Variants in KDM7A observed in about 807,000 individuals in gnomAD.
The protein encoded by KDM7A is lysine-specific demethylase 7A.
A neutral mutation model predicts 114.8 loss-of-function variants in KDM7A; 28 were observed. That is an observed-to-expected ratio of 0.24 (90% CI 0.18 to 0.33). The LOEUF (loss-of-function observed/expected upper bound fraction) is 0.33. KDM7A is among the 10% of genes least tolerant of loss of function. The pLI, the probability that KDM7A is intolerant of heterozygous loss-of-function variation, is 1.00. For synonymous variants in KDM7A, 423 were observed against 397.8 expected (o/e 1.06, Z -0.75); for missense variants, 942 against 1,142.5 (o/e 0.82, Z 2.53).
Position 140,176,753 on chromosome 7 carries a change from A to T in KDM7A, c.185T>A (p.Phe62Tyr). The T allele has an allele frequency of 7.3e-7, 1 of 1,368,974 alleles. No individual in the cohort carries two copies. The highest frequency in any genetic ancestry group is 9.7e-7 in the Non-Finnish European group (1 of 1,035,324). The allele number at this position is 1,368,974 out of a possible 1,614,324, so 84.8% of individuals were successfully genotyped here. ...GAGGGGGTTTATTTACCTGCCGTGG[A>T]ACCAGTCCTTGCAGATATCGCACTC... ...MIECDICKDW[F>Y]HGSCVGVEEH... The change falls in exon 1 of 20, where the codon TTC (phenylalanine) becomes TAC (tyrosine). Residue 62 changes from phenylalanine to tyrosine, a missense_variant. Phe to Tyr is a conservative substitution (Grantham distance 22, BLOSUM62 3). Coordinates refer to ENST00000397560, the MANE Select transcript of KDM7A (RefSeq NM_030647.2). The surrounding 1 kb of genome is among the most constrained non-coding windows in gnomAD (Gnocchi z 4.4).
chr7:140,151,082 C>T (rs1451154401), intron 1 of KDM7A, among the ~76,000 whole-genome samples: 1 of 152,084 alleles, frequency 6.6e-6, no homozygotes, highest in Non-Finnish European at 1.5e-5. Flanking sequence ...ACACCCACCT[C>T]GGCCTCCCAA....
rs199625543 is a variant in KDM7A at position 140,114,269 on chromosome 7, T to C, written c.1247-687A>G. Among the ~76,000 whole-genome samples the C allele has an allele frequency of 3.3e-5, 5 of 151,832 alleles. No homozygotes were observed. In the South Asian group the frequency reaches 6.2e-4, roughly 19 times the overall value. ...TCTCGGCTCACTGCAACCTCCCTGCTTGATTCTCCTGCCTCAGCCTGCCGA... is the reference window on the plus strand; with the variant it reads ...TCTCGGCTCACTGCAACCTCCCTGCCTGATTCTCCTGCCTCAGCCTGCCGA... On this transcript the variant is annotated intron_variant, in intron 9 of 19. Coordinates refer to ENST00000397560, the MANE Select transcript of KDM7A (RefSeq NM_030647.2).
chr7:140,174,663 C>A (rs559215314), intron 1 of KDM7A, among the ~76,000 whole-genome samples: 1 of 152,078 alleles, frequency 6.6e-6, no homozygotes, highest in East Asian at 1.9e-4. Flanking sequence ...TGCAGTGGCG[C>A]GATCTCGGCT....
intron 14 of KDM7A, among the ~76,000 whole-genome samples, 168 bp downstream of exon 14, chr7:140,098,711 C>G (rs776063422): frequency 6.6e-6 from 1 of 152,208 alleles, no homozygotes; most frequent in African/African-American, 2.4e-5. Context: ...CCTCACTGGG[C>G]ATTCACGTTC....
chr7:140,092,859 A>T (rs1818044442), intron 18 of KDM7A, among the ~76,000 whole-genome samples: 1 of 152,244 alleles, frequency 6.6e-6, no homozygotes, highest in Non-Finnish European at 1.5e-5. Flanking sequence ...CTAGTAAGTG[A>T]TAAACTTTAT....
At chr7:140,131,149 G>A (rs1000699561) in intron 3 of KDM7A, among the ~76,000 whole-genome samples, 1 of 152,086 alleles carries the variant, frequency 6.6e-6, no homozygotes, top group South Asian at 2.1e-4. Context: ...TTACAGGCGT[G>A]AGCCACCGCG....
At chr7:140,154,351 A>C (rs1319222275) in intron 1 of KDM7A, among the ~76,000 whole-genome samples, 1 of 151,658 alleles carries the variant, frequency 6.6e-6, no homozygotes, top group Non-Finnish European at 1.5e-5. Flanking sequence ...AAAATTAGCC[A>C]GGTATGGTGG....
Position 140,094,176 on chromosome 7 carries a change from C to T in KDM7A, c.2375-38G>A, listed in dbSNP as rs368223186. ...TTTAGTTTAATTAACTTTGCACAAACTTGATTTGAAATGACAAAATTAGCC... is the reference window on the plus strand; with the variant it reads ...TTTAGTTTAATTAACTTTGCACAAATTTGATTTGAAATGACAAAATTAGCC... On this transcript the variant is annotated intron_variant, in intron 17 of 19. Coordinates refer to ENST00000397560, the MANE Select transcript of KDM7A (RefSeq NM_030647.2). 8.7e-6 allele frequency: 11 copies of T among 1,267,500 alleles called. No individual in the cohort carries two copies. In the African/African-American group the frequency reaches 1.6e-4, roughly 19 times the overall value. The allele number at this position is 1,267,500 out of a possible 1,614,324, so 78.5% of individuals were successfully genotyped here.
chr7:140,096,102 C>A (rs1257971812), intron 17 of KDM7A, among the ~76,000 whole-genome samples: 1 of 152,114 alleles, frequency 6.6e-6, no homozygotes, highest in Admixed American at 6.5e-5. Flanking sequence ...CCTAACACTG[C>A]CACTGAGTCT....
At chr7:140,153,550 A>G (rs2116839298) in intron 1 of KDM7A, among the ~76,000 whole-genome samples, 1 of 152,314 alleles carries the variant, frequency 6.6e-6, no homozygotes, top group South Asian at 2.1e-4. Context: ...TTAATAATCA[A>G]TGGGGGAAAT....
Position 140,153,877 on chromosome 7 carries a change from C to T in KDM7A, c.195-14687G>A, listed in dbSNP as rs919792046. ...GTTGCTCTTTCATTTTTACTGGCCA[C>T]TTCCCACTTTCGATTATCTATTTTG... is the stretch of plus-strand genomic sequence containing the variant. On this transcript the variant is annotated intron_variant, in intron 1 of 19. Transcript: ENST00000397560. Among the ~76,000 whole-genome samples, 13 of 152,252 alleles carry T rather than the reference C, an allele frequency of 8.5e-5. No homozygotes were observed. In the East Asian group the frequency reaches 2.5e-3, roughly 29 times the overall value.
At chr7:140,153,702 T>C (rs1048639525) in intron 1 of KDM7A, among the ~76,000 whole-genome samples, 2 of 152,234 alleles carry the variant, frequency 1.3e-5, no homozygotes, top group Non-Finnish European at 2.9e-5. Flanking sequence ...TTATGCCATT[T>C]AGCATGCCTT....
chr7:140,124,903 A>AT (rs1818674672), intron 6 of KDM7A, 120 bp from the exon 7 acceptor site: 1 of 654,264 alleles, frequency 1.5e-6, no homozygotes, highest in Admixed American at 3.1e-5. Context: ...AGATTCTTTT[A>AT]GGTTCAAAAG....
In KDM7A at chr7:140,097,556, A is replaced by C; in HGVS notation, c.2005T>G (p.Cys669Gly). The change falls in exon 15 of 20, where the codon TGC (cysteine) becomes GGC (glycine). Residue 669 changes from cysteine (C) to glycine (G), a missense_variant. This residue lies in a region of KDM7A where 512 missense variants were observed against 576.6 expected (regional missense o/e 0.89). Coordinates refer to ENST00000397560, the MANE Select transcript of KDM7A (RefSeq NM_030647.2). ...ISESEDSGPE[C>G]TALKSIFTTE... ...GGTCTCAGGCGTACCAGTGCAGTGC[A>C]CTCGGGTCCGGAGTCTTCTGACTCA... 1.3e-6 allele frequency: 2 copies of C among 1,584,602 alleles called. No homozygotes were observed. Among genetic ancestry groups the C allele is most frequent in the Non-Finnish European group, 1.7e-6 (2 of 1,153,500 alleles).
At position 140,116,272 on chromosome 7, in the gene KDM7A, G is replaced by GTA. The variant is rs371983342; in HGVS notation, c.1247-2692_1247-2691dup. Among the ~76,000 whole-genome samples the GTA allele has an allele frequency of 2.4e-3, 360 of 151,646 alleles. 4 individuals carry two copies. The highest frequency in any genetic ancestry group is 2.7e-3 in the Non-Finnish European group (183 of 67,892). On this transcript the variant is annotated intron_variant, in intron 9 of 19. Transcript: ENST00000397560. ...GCAGAATCAGTGTGTGTGTGTGTGT[G>GTA]TATATCATAGTATATTCATACAACA...
intron 1 of KDM7A, among the ~76,000 whole-genome samples, chr7:140,145,449 G>A (rs573408948): frequency 5.3e-5 from 8 of 152,246 alleles, no homozygotes; most frequent in Admixed American, 5.2e-4. Flanking sequence ...AGAATGTTCA[G>A]AATCTGACAT....
chr7:140,164,959 C>G (rs949762735), intron 1 of KDM7A, among the ~76,000 whole-genome samples: 2 of 152,182 alleles, frequency 1.3e-5, no homozygotes, highest in Non-Finnish European at 2.9e-5. Context: ...TGGCAACATT[C>G]GGTTGAATGA....
chr7:140,125,165 T>C (rs1818679590), intron 6 of KDM7A, among the ~76,000 whole-genome samples: 1 of 152,232 alleles, frequency 6.6e-6, no homozygotes, highest in Non-Finnish European at 1.5e-5. Flanking sequence ...AGCATAATTA[T>C]TTTTAAAAAC....
Position 140,176,712 on chromosome 7 carries a change from G to A in KDM7A, c.194+32C>T. On this transcript the variant is annotated intron_variant, in intron 1 of 19. Transcript: ENST00000397560. The surrounding 1 kb of genome is among the most constrained non-coding windows in gnomAD (Gnocchi z 4.4). ...CGGCGGTTGGTCGGTGGCCGGCGGT[G>A]GCGGCTGCGGGGCTGGAGGGGGTTT... The A allele has an allele frequency of 8.2e-7, 1 of 1,217,266 alleles. No individual in the cohort carries two copies. The highest frequency in any genetic ancestry group is 1.0e-6 in the Non-Finnish European group (1 of 954,534). The allele number at this position is 1,217,266 out of a possible 1,614,324, so 75.4% of individuals were successfully genotyped here. A position where few individuals can be genotyped will look rare whatever the true frequency, so the allele number is the denominator to read the frequency against.
Sources: allele counts gnomAD v4.1 joint callset (sites outside exome capture counted in the v4.1 genomes callset), GRCh38; gene constraint gnomAD v4.1.1; regional missense constraint gnomAD v4.1.1; non-coding constraint Gnocchi (gnomAD v3.1); transcripts MANE v1.5; gene names NCBI Gene and HGNC (gene_info 2026-07-23, HGNC 2026-07-21).